The following MIGA2 variants were observed in gnomAD, a reference collection of about 807,000 sequenced individuals.
MIGA2 encodes the protein family with sequence similarity 73, member B.
A neutral mutation model predicts 69.9 loss-of-function variants in MIGA2; 36 were observed. The observed-to-expected ratio is 0.52, with a 90% CI of 0.39 to 0.68. The LOEUF (loss-of-function observed/expected upper bound fraction) is 0.68, where lower values mean the gene tolerates loss of function less well. Ranked by LOEUF, MIGA2 falls within the 30% of genes least tolerant of loss-of-function variation. MIGA2 has a pLI of 0.00. For missense variants in MIGA2, 660 were observed against 787.7 expected (o/e 0.84, Z 1.94); for synonymous variants, 333 against 349.2 (o/e 0.95, Z 0.52).
intron 2 of MIGA2, 109 bp downstream of exon 2, chr9:129,040,799 C>A: frequency 1.1e-6 from 1 of 914,640 alleles, no homozygotes; most frequent in East Asian, 2.7e-5. Context: ...TTTGCCAAAC[C>A]TCTGGTGTCT....
Position 129,061,239 on chromosome 9 carries a change from GT to G in MIGA2, c.904del (p.Ser302ProfsTer25). The G allele has an allele frequency of 6.2e-7, 1 of 1,611,092 alleles. No homozygotes were observed. Among genetic ancestry groups the G allele is most frequent in the African/African-American group, 1.3e-5 (1 of 74,986 alleles). ...TCTGCACCCTCTCCCAGCTCTTTGA[GT>G]CCCTGCAGACTGGAGATTACCCGAT... ...SFFSATELFE[S>X]LQTGDYPIPL... On this transcript the variant is annotated frameshift_variant, in exon 9 of 16. Coordinates refer to ENST00000684074, the MANE Select transcript of MIGA2 (RefSeq NM_001329990.2). LOFTEE classifies it high-confidence loss of function. The surrounding 1 kb of genome is among the most constrained non-coding windows in gnomAD (Gnocchi z 5.0).
intron 11 of MIGA2, 140 bp downstream of exon 11, chr9:129,063,771 T>A: frequency 3.9e-6 from 3 of 770,390 alleles, no homozygotes; most frequent in Non-Finnish European, 6.2e-6. Context: ...TCTGCAACCG[T>A]GGATCTTGTT....
Position 129,060,754 on chromosome 9 carries a change from C to T in MIGA2, c.894+104C>T. 1 of 992,276 alleles carries T rather than the reference C, an allele frequency of 1.0e-6. No homozygotes were observed. Among genetic ancestry groups the T allele is most frequent in the Non-Finnish European group, 1.5e-6 (1 of 671,370 alleles). The allele number at this position is 992,276 out of a possible 1,614,324, so 61.5% of individuals were successfully genotyped here. A position where few individuals can be genotyped will look rare whatever the true frequency, so the allele number is the denominator to read the frequency against. On this transcript the variant is annotated intron_variant, in intron 8 of 15. Transcript: ENST00000684074. The surrounding 1 kb of genome is among the most constrained non-coding windows in gnomAD (Gnocchi z 4.8). Reference sequence around the variant, plus strand: ...TCATGGGAAAGTGGAGGCATTTCCTCTGATGGGAGAATTTGGATGCTCCCA... The same window carrying T: ...TCATGGGAAAGTGGAGGCATTTCCTTTGATGGGAGAATTTGGATGCTCCCA...
chr9:129,040,928 C>T (rs1458046541), intron 2 of MIGA2, among the ~76,000 whole-genome samples: 1 of 152,142 alleles, frequency 6.6e-6, no homozygotes, highest in Non-Finnish European at 1.5e-5. Context: ...CGATGGCTCA[C>T]GCCTGTAATC....
chr9:129,055,266 C>T (rs1186983129), intron 6 of MIGA2, among the ~76,000 whole-genome samples: 9 of 151,492 alleles, frequency 5.9e-5, no homozygotes, highest in Non-Finnish European at 1.0e-4. Flanking sequence ...TTAGTAGAGA[C>T]GGGGTTTCTG....
At chr9:129,050,668 T>G (rs1845479170) in intron 6 of MIGA2, among the ~76,000 whole-genome samples, 1 of 149,294 alleles carries the variant, frequency 6.7e-6, no homozygotes, top group African/African-American at 2.5e-5. Flanking sequence ...GCCTCCTGGG[T>G]TCAAGTGATT....
chr9:129,056,029 T>C (rs370274916), intron 6 of MIGA2, among the ~76,000 whole-genome samples: 124 of 150,866 alleles, frequency 8.2e-4, no homozygotes, highest in African/African-American at 2.9e-3. Flanking sequence ...TGGGCACCTG[T>C]AGCCCCAGCT....
In MIGA2 at chr9:129,049,434, T is replaced by G. The variant is rs763044315; in HGVS notation, c.474T>G (p.Asp158Glu). 3 of 1,613,596 alleles carry G rather than the reference T, an allele frequency of 1.9e-6. No individual in the cohort carries two copies. Among genetic ancestry groups the G allele is most frequent in the Non-Finnish European group, 2.5e-6 (3 of 1,179,836 alleles). ...CAGCCGCGTGCTCGGGACTATGGGA[T>G]GCCAGAGGGATGGAGGAGTCTCTGA... Reference protein sequence around the residue: ...SPTAACSGLWDARGMEESLTT... With the variant: ...SPTAACSGLWEARGMEESLTT... The change falls in exon 5 of 16, where the codon GAT becomes GAG. Residue 158 changes from aspartate to glutamate, a missense_variant. By Grantham distance (45) the Asp-to-Glu change is conservative. This residue lies in a region of MIGA2 where 386 missense variants were observed against 402.0 expected (regional missense o/e 0.96). Transcript: ENST00000684074.
rs201932397 is a variant in MIGA2, at chr9:129,069,099, G to A, written c.1428G>A (p.Ser476=). The A allele has an allele frequency of 6.6e-5, 107 of 1,614,004 alleles. No homozygotes were observed. Among genetic ancestry groups the A allele is most frequent in the South Asian group, 1.5e-4 (14 of 91,070 alleles). Reference sequence around the variant, plus strand: ...AGGCCTTGGCCACTGCTTGCTGGTCGGTCCTGAAAGCCAAGAGGAGGCTGC... The same window carrying A: ...AGGCCTTGGCCACTGCTTGCTGGTCAGTCCTGAAAGCCAAGAGGAGGCTGC... ...KETALATACW[S]VLKAKRRLLM... The change falls in exon 14 of 16, where the codon TCG becomes TCA. Residue 476 remains serine, a synonymous_variant. Transcript: ENST00000684074. This position sits in a 1 kb window ranked among gnomAD's most constrained non-coding sequence, Gnocchi z 4.9.
Position 129,056,520 on chromosome 9 carries a change from C to CTT in MIGA2, c.676-2619_676-2618dup, listed in dbSNP as rs777582517. Among the ~76,000 whole-genome samples, 20 of 142,216 alleles carry CTT rather than the reference C, an allele frequency of 1.4e-4. No individual in the cohort carries two copies. In the East Asian group the frequency reaches 3.1e-3, roughly 22 times the overall value. The allele number at this position is 142,216 out of a possible 152,430, so 93.3% of individuals were successfully genotyped here. ...TTTAGAATAAATACTGTAATAATGA[C>CTT]TTTTTTTTTTTTTTTTAAGACGGAC... is the stretch of plus-strand genomic sequence containing the variant. On this transcript the variant is annotated intron_variant, in intron 6 of 15. Transcript: ENST00000684074.
At position 129,062,010 on chromosome 9, in the gene MIGA2, CTTA is replaced by C. The variant is rs995382101; in HGVS notation, c.1010+669_1010+671del. Among the ~76,000 whole-genome samples the C allele has an allele frequency of 9.2e-5, 13 of 141,284 alleles. No individual in the cohort carries two copies. In the East Asian group the frequency reaches 1.0e-3, roughly 11 times the overall value. The allele number at this position is 141,284 out of a possible 152,430, so 92.7% of individuals were successfully genotyped here. ...ATTTTTATGTATTATGTATTATTAT[CTTA>C]TTATGATAAGAGACTGAGAACTTGA... On this transcript the variant is annotated intron_variant, in intron 9 of 15. Coordinates refer to ENST00000684074, the MANE Select transcript of MIGA2 (RefSeq NM_001329990.2).
intron 2 of MIGA2, chr9:129,042,080 T>A (rs1844936465): frequency 1.7e-6 from 1 of 574,860 alleles, no homozygotes; most frequent in Admixed American, 3.1e-5. Flanking sequence ...AGACCTCACC[T>A]TCTCGGCACT....
At chr9:129,067,980 C>T (rs1564621068) in intron 12 of MIGA2, 109 bp downstream of exon 12, 2 of 1,327,056 alleles carry the variant, frequency 1.5e-6, no homozygotes, top group Non-Finnish European at 1.1e-6. Context: ...GAGACGGTTC[C>T]ATCACTGCTC....
Position 129,063,616 on chromosome 9 carries a change from G to A in MIGA2, c.1155G>A (p.Met385Ile), listed in dbSNP as rs576542776. Reference protein sequence around the residue: ...KVGRQMVTGLMTKAEKSPKGF... With the variant: ...KVGRQMVTGLITKAEKSPKGF... ...GCCGACAGATGGTGACAGGCCTGAT[G>A]ACCAAGGCTGAGAAGGTAGCAGGGG... The change falls in exon 11 of 16, where the codon ATG becomes ATA. Residue 385 changes from methionine (M) to isoleucine (I), a missense_variant. Transcript: ENST00000684074. 2.5e-6 allele frequency: 2 copies of A among 800,070 alleles called. No individual in the cohort carries two copies. The highest frequency in any genetic ancestry group is 1.9e-5 in the African/African-American group (1 of 51,698). The allele number at this position is 800,070 out of a possible 1,614,324, so 49.6% of individuals were successfully genotyped here. A position where few individuals can be genotyped will look rare whatever the true frequency, so the allele number is the denominator to read the frequency against.
intron 6 of MIGA2, among the ~76,000 whole-genome samples, chr9:129,057,850 C>T (rs1004225224): frequency 6.6e-6 from 1 of 152,094 alleles, no homozygotes; most frequent in African/African-American, 2.4e-5. Context: ...AAGGGATCCT[C>T]CTGCCTCTGC....
chr9:129,069,129 G>A lies in MIGA2; in HGVS notation c.1458G>A (p.Met486Ile), dbSNP rs771016216. 3 of 1,613,950 alleles carry A rather than the reference G, an allele frequency of 1.9e-6. No homozygotes were observed. The Admixed American group carries it at 5.0e-5, about 27-fold the overall frequency. ...SVLKAKRRLL[M>I]VPDGFISHFY... is the part of the protein sequence containing the mutation. ...TGAAAGCCAAGAGGAGGCTGCTGAT[G>A]GTGAGTGACTGGCAGGCCCGGGGGA... is the stretch of plus-strand genomic sequence containing the variant. The change falls in exon 14 of 16, where the codon ATG (methionine) becomes ATA (isoleucine). Residue 486 changes from methionine (M) to isoleucine (I), a missense_variant and splice_region_variant. Met to Ile is a conservative substitution (Grantham distance 10, BLOSUM62 1). Coordinates refer to ENST00000684074, the MANE Select transcript of MIGA2 (RefSeq NM_001329990.2). This position sits in a 1 kb window ranked among gnomAD's most constrained non-coding sequence, Gnocchi z 4.9.
At position 129,060,361 on chromosome 9, in the gene MIGA2, A is replaced by G; in HGVS notation, c.794-189A>G. 3.7e-6 allele frequency: 2 copies of G among 539,074 alleles called. No homozygotes were observed. Among genetic ancestry groups the G allele is most frequent in the Admixed American group, 6.9e-5 (2 of 29,002 alleles). The allele number at this position is 539,074 out of a possible 1,614,324, so 33.4% of individuals were successfully genotyped here. A position where few individuals can be genotyped will look rare whatever the true frequency, so the allele number is the denominator to read the frequency against. Reference sequence around the variant, plus strand: ...TCGTGGGTGTTGAAGGAGGTCACTCACTGAGGCGAGGAGTCCAGCGTCCTC... The same window carrying G: ...TCGTGGGTGTTGAAGGAGGTCACTCGCTGAGGCGAGGAGTCCAGCGTCCTC... On this transcript the variant is annotated intron_variant, in intron 7 of 15. Coordinates refer to ENST00000684074, the MANE Select transcript of MIGA2 (RefSeq NM_001329990.2). The surrounding 1 kb of genome is among the most constrained non-coding windows in gnomAD (Gnocchi z 4.8).
In MIGA2 at chr9:129,063,587, G is replaced by A; in HGVS notation, c.1126G>A (p.Val376Met). Reference protein sequence around the residue: ...DKSNQLFFGKVGRQMVTGLMT... With the variant: ...DKSNQLFFGKMGRQMVTGLMT... ...GAGTAACCAGCTTTTCTTCGGGAAA[G>A]TGGGCCGACAGATGGTGACAGGCCT... Residue 376 changes from valine (V) to methionine (M), a missense_variant, in exon 11 of 16, where the codon GTG becomes ATG. Val to Met is a conservative substitution (Grantham distance 21, BLOSUM62 1). Transcript: ENST00000684074. 2 of 1,613,470 alleles carry A rather than the reference G, an allele frequency of 1.2e-6. No homozygotes were observed. Among genetic ancestry groups the A allele is most frequent in the Non-Finnish European group, 1.7e-6 (2 of 1,179,746 alleles).
At chr9:129,065,857 T>C (rs1017380108) in intron 11 of MIGA2, among the ~76,000 whole-genome samples, 1 of 152,118 alleles carries the variant, frequency 6.6e-6, no homozygotes, top group Non-Finnish European at 1.5e-5. Context: ...GAGAGAACCC[T>C]TGGGCTCACC....
Sources: allele counts gnomAD v4.1 joint callset (sites outside exome capture counted in the v4.1 genomes callset), GRCh38; gene constraint gnomAD v4.1.1; regional missense constraint gnomAD v4.1.1; non-coding constraint Gnocchi (gnomAD v3.1); transcripts MANE v1.5; gene names NCBI Gene and HGNC (gene_info 2026-07-23, HGNC 2026-07-21).